The following HSD17B13 variants were observed in gnomAD, a reference collection of about 807,000 sequenced individuals.
The protein encoded by HSD17B13 is 17-beta-hydroxysteroid dehydrogenase 13.
Under a neutral mutation model 31.1 loss-of-function variants are expected in HSD17B13, and 26 were observed. The ratio of observed to expected loss-of-function variants is 0.84; its 90% CI spans 0.61 to 1.16. The LOEUF (loss-of-function observed/expected upper bound fraction) is 1.16, where lower values mean the gene tolerates loss of function less well. Ranked by LOEUF, HSD17B13 falls within the 50% of genes most tolerant of loss-of-function variation. The pLI is 0.00. For missense variants in HSD17B13, 374 were observed against 366.5 expected (o/e 1.02, Z -0.17); for synonymous variants, 141 against 133.7 (o/e 1.05, Z -0.38).
chr4:87,305,174 T>A lies in HSD17B13; in HGVS notation c.*44A>T. ...CTTTGCAGCATTGATTCGAAACTAT[T>A]CATATCATTATCATGCATACATCTC... On this transcript the variant is annotated 3_prime_UTR_variant, in exon 7 of 7. Transcript: ENST00000328546. 1 of 1,236,866 alleles carries A rather than the reference T, an allele frequency of 8.1e-7. No individual in the cohort carries two copies. The highest frequency in any genetic ancestry group is 1.2e-6 in the Non-Finnish European group (1 of 862,736). The allele number at this position is 1,236,866 out of a possible 1,614,324, so 76.6% of individuals were successfully genotyped here.
chr4:87,320,201 G>A, intron 1 of HSD17B13, among the ~76,000 whole-genome samples: 1 of 152,118 alleles, frequency 6.6e-6, no homozygotes, highest in South Asian at 2.1e-4. Context: ...ATAGCCTTTT[G>A]TGGGATTGCA....
At position 87,303,891 on chromosome 4, in the gene HSD17B13, A is replaced by C. The variant is rs971639532; in HGVS notation, c.*1327T>G. 4.0e-5 allele frequency: 6 copies of C among 150,922 alleles called. No homozygotes were observed. The highest frequency in any genetic ancestry group is 1.5e-4 in the African/African-American group (6 of 40,994). 9.3% of individuals were successfully genotyped at this position (150,922 alleles called of 1,614,324 possible). ...TAGTGAATTGTTTTTGTGACTTTTA[A>C]AAAAATCATTTGTTTTTAATAAAAA... is the stretch of plus-strand genomic sequence containing the variant. On this transcript the variant is annotated 3_prime_UTR_variant, in exon 7 of 7. Coordinates refer to ENST00000328546, the MANE Select transcript of HSD17B13 (RefSeq NM_178135.5).
chr4:87,310,196 A>G, intron 6 of HSD17B13, 47 bp downstream of exon 6: 1 of 1,484,448 alleles, frequency 6.7e-7, no homozygotes, highest in Non-Finnish European at 8.9e-7. Flanking sequence ...GCAAAAAAAA[A>G]AGCTCTATTG....
chr4:87,319,106 C>T (rs932846817), intron 1 of HSD17B13, among the ~76,000 whole-genome samples: 3 of 152,096 alleles, frequency 2.0e-5, no homozygotes, highest in Admixed American at 1.3e-4. Flanking sequence ...CACTTGAACC[C>T]GGGAGGCGGA....
At chr4:87,309,417 G>A (rs996136554) in intron 6 of HSD17B13, among the ~76,000 whole-genome samples, 89 of 140,004 alleles carry the variant, frequency 6.4e-4, no homozygotes, top group African/African-American at 2.2e-3. Context: ...AAAAGAACCC[G>A]TGAAATACTT....
intron 1 of HSD17B13, among the ~76,000 whole-genome samples, chr4:87,321,942 A>T (rs1473035920): frequency 1.3e-5 from 2 of 152,250 alleles, no homozygotes; most frequent in East Asian, 3.8e-4. Context: ...ACAAGTTTAG[A>T]GAAAATGATA....
chr4:87,312,255 TATTA>T (rs1326502829), intron 5 of HSD17B13, among the ~76,000 whole-genome samples: 5 of 152,174 alleles, frequency 3.3e-5, no homozygotes, highest in Admixed American at 2.0e-4. Context: ...ATTGCATACT[TATTA>T]AGTACTGTGA....
chr4:87,304,570 T>C lies in HSD17B13; in HGVS notation c.*648A>G, dbSNP rs1734344351. 1 of 152,200 alleles carries C rather than the reference T, an allele frequency of 6.6e-6. No homozygotes were observed. The highest frequency in any genetic ancestry group is 1.9e-4 in the East Asian group (1 of 5,204). The allele number at this position is 152,200 out of a possible 1,614,324, so 9.4% of individuals were successfully genotyped here. ...AAATAGAGTCGGTCACCTTTCATAA[T>C]GTATCTTATAAGACTATAAAAAGGG... On this transcript the variant is annotated 3_prime_UTR_variant, in exon 7 of 7. Transcript: ENST00000328546.
At chr4:87,317,609 A>C in intron 2 of HSD17B13, among the ~76,000 whole-genome samples, 1 of 83,504 alleles carries the variant, frequency 1.2e-5, no homozygotes, top group Non-Finnish European at 2.1e-5. Flanking sequence ...GGGTCTCACT[A>C]TGTTGCCTGG....
At chr4:87,316,739 G>T (rs547196902) in intron 3 of HSD17B13, among the ~76,000 whole-genome samples, 1 of 152,262 alleles carries the variant, frequency 6.6e-6, no homozygotes, top group East Asian at 1.9e-4. Context: ...AAATCATGGT[G>T]TGGAGGGAAA....
chr4:87,322,056 C>A (rs1406764953), intron 1 of HSD17B13, among the ~76,000 whole-genome samples: 1 of 152,176 alleles, frequency 6.6e-6, no homozygotes, highest in Non-Finnish European at 1.5e-5. Context: ...TGACTCACTG[C>A]GCACATATTT....
chr4:87,318,208 A>T, intron 2 of HSD17B13, 121 bp downstream of exon 2: 1 of 707,878 alleles, frequency 1.4e-6, no homozygotes, highest in South Asian at 1.6e-5. Context: ...TGACATAACT[A>T]CTTCAGTTAG....
At chr4:87,319,107 G>A (rs200429076) in intron 1 of HSD17B13, among the ~76,000 whole-genome samples, 32 of 152,248 alleles carry the variant, frequency 2.1e-4, no homozygotes, top group Non-Finnish European at 3.2e-4. Flanking sequence ...ACTTGAACCC[G>A]GGAGGCGGAG....
chr4:87,305,465 T>C (rs543325073), intron 6 of HSD17B13, among the ~76,000 whole-genome samples, 157 bp from the exon 7 acceptor site: 1 of 150,672 alleles, frequency 6.6e-6, no homozygotes, highest in African/African-American at 2.4e-5. Context: ...CTCTTTTACG[T>C]GTGCATCTTT....
At chr4:87,314,992 C>G (rs774890104) in intron 4 of HSD17B13, among the ~76,000 whole-genome samples, 1 of 152,078 alleles carries the variant, frequency 6.6e-6, no homozygotes, top group Non-Finnish European at 1.5e-5. Flanking sequence ...TCTGTAAATC[C>G]AAATCACTCT....
chr4:87,309,990 C>T (rs1283075722), intron 6 of HSD17B13, among the ~76,000 whole-genome samples: 3 of 151,962 alleles, frequency 2.0e-5, no homozygotes, highest in Admixed American at 2.0e-4. Flanking sequence ...GGAAACCTGT[C>T]TCTATCAAAA....
Position 87,310,333 on chromosome 4 carries a change from T to C in HSD17B13, c.722A>G (p.Glu241Gly), listed in dbSNP as rs781445302. 1 of 1,567,260 alleles carries C rather than the reference T, an allele frequency of 6.4e-7. No homozygotes were observed. Among genetic ancestry groups the C allele is most frequent in the Middle Eastern group, 1.7e-4 (1 of 5,810 alleles). ...TRLWPVLETD[E>G]VVRSLIDGIL... ...TCCATCTATCAGACTTCTTACGACT[T>C]CATCTGTCTCCAATACAGGCCATAA... The change falls in exon 6 of 7, where the codon GAA becomes GGA. Residue 241 changes from glutamate (E) to glycine (G), a missense_variant. Transcript: ENST00000328546.
Position 87,305,258 on chromosome 4 carries a change from T to G in HSD17B13, c.863A>C (p.Gln288Pro). Residue 288 changes from glutamine (Q) to proline (P), a missense_variant, in exon 7 of 7, where the codon CAA becomes CCA. Transcript: ENST00000328546. ...SAILNRMQNI[Q>P]FEAVVGHKIK... Reference sequence around the variant, plus strand: ...TTTGTGGCCAACCACTGCTTCAAATTGAATATTCTGCATACGATTTAAAAT... The same window carrying G: ...TTTGTGGCCAACCACTGCTTCAAATGGAATATTCTGCATACGATTTAAAAT... The G allele has an allele frequency of 1.2e-6, 2 of 1,609,836 alleles. No homozygotes were observed. Among genetic ancestry groups the G allele is most frequent in the African/African-American group, 1.3e-5 (1 of 74,970 alleles).
intron 1 of HSD17B13, among the ~76,000 whole-genome samples, chr4:87,319,539 A>G (rs1462515004): frequency 6.6e-6 from 1 of 152,262 alleles, no homozygotes; most frequent in Admixed American, 6.5e-5. Context: ...AGTGCTAAGT[A>G]GTAATTCTAA....
Sources: gnomAD v4.1 joint callset for allele counts (sites outside exome capture counted in the v4.1 genomes callset) on GRCh38, gnomAD v4.1.1 for gene constraint, MANE v1.5 for transcripts, NCBI Gene and HGNC (gene_info 2026-07-23, HGNC 2026-07-21) for gene names.